The following HAPSTR1 variants were observed in gnomAD, a reference collection of about 807,000 sequenced individuals.
HAPSTR1 encodes HUWE1-associated protein modifying stress responses 1.
At chr16:9,093,116 C>T in the HAPSTR1 span, 9 of 1,037,604 alleles carry the variant, frequency 8.7e-6, no homozygotes, top group East Asian at 1.0e-4. Flanking sequence ...ACCTTGAATA[C>T]CTTGCAACTT....
the HAPSTR1 span, among the ~76,000 whole-genome samples, chr16:9,099,699 C>G: frequency 6.6e-6 from 1 of 152,260 alleles, no homozygotes; most frequent in Admixed American, 6.5e-5. Context: ...GTCCACGCTT[C>G]TAGAATTGGG....
the HAPSTR1 span, chr16:9,109,216 C>G: frequency 6.6e-6 from 1 of 152,078 alleles, no homozygotes; most frequent in African/African-American, 2.4e-5. Context: ...GGGAGAGATT[C>G]AGAGTTGCCC....
chr16:9,104,503 T>G, the HAPSTR1 span: 1 of 152,214 alleles, frequency 6.6e-6, no homozygotes, highest in East Asian at 1.9e-4. Context: ...ATAAAGAAAC[T>G]TTATAGACGT....
the HAPSTR1 span, chr16:9,116,699 G>C: frequency 5.1e-5 from 82 of 1,614,030 alleles, no homozygotes; most frequent in Non-Finnish European, 6.7e-5. Flanking sequence ...GTATAAGCGT[G>C]CGTTCGAGTA....
chr16:9,111,301 C>T, the HAPSTR1 span: 11 of 152,100 alleles, frequency 7.2e-5, no homozygotes, highest in African/African-American at 2.7e-4. Flanking sequence ...TGTCTAAAGA[C>T]CTTTTGGAAA....
chr16:9,116,170 A>G, the HAPSTR1 span, among the ~76,000 whole-genome samples: 2 of 152,186 alleles, frequency 1.3e-5, no homozygotes, highest in Admixed American at 6.5e-5. Context: ...ATGGCAAGTT[A>G]TGTGATCACC....
At chr16:9,112,435 G>A in the HAPSTR1 span, 2 of 152,234 alleles carry the variant, frequency 1.3e-5, no homozygotes, top group African/African-American at 4.8e-5. Context: ...TGCGCTGGTG[G>A]ATCAACGGTG....
the HAPSTR1 span, chr16:9,103,418 T>A: frequency 1.4e-6 from 1 of 740,634 alleles, no homozygotes; most frequent in Admixed American, 3.4e-5. Flanking sequence ...AAGAACTTAA[T>A]ATGGGCGATT....
At chr16:9,094,604 C>G in the HAPSTR1 span, among the ~76,000 whole-genome samples, 1 of 152,026 alleles carries the variant, frequency 6.6e-6, no homozygotes, top group African/African-American at 2.4e-5. Context: ...ATGGTGCAGT[C>G]CTTGTAGCCT....
the HAPSTR1 span, chr16:9,120,913 G>C: frequency 6.6e-6 from 1 of 152,056 alleles, no homozygotes; most frequent in Non-Finnish European, 1.5e-5. Context: ...GTATTCCCTT[G>C]TACAGATAAG....
At chr16:9,097,969 C>T in the HAPSTR1 span, among the ~76,000 whole-genome samples, 4 of 152,126 alleles carry the variant, frequency 2.6e-5, no homozygotes, top group African/African-American at 9.7e-5. Flanking sequence ...AAACAAAAAC[C>T]TGGAGTGCTT....
At chr16:9,116,878 A>G in the HAPSTR1 span, 1 of 1,614,120 alleles carries the variant, frequency 6.2e-7, no homozygotes, top group South Asian at 1.1e-5. Flanking sequence ...GTCATTACAG[A>G]CTCACCAACC....
chr16:9,095,971 C>G, the HAPSTR1 span, among the ~76,000 whole-genome samples: 9 of 151,972 alleles, frequency 5.9e-5, no homozygotes, highest in South Asian at 6.2e-4. Context: ...TTTTTGATTC[C>G]TGGAACTAAA....
chr16:9,103,324 C>A, the HAPSTR1 span: 1 of 1,533,204 alleles, frequency 6.5e-7, no homozygotes, highest in African/African-American at 1.4e-5. Context: ...ACCCATTTTT[C>A]ACGGTTAGGT....
chr16:9,115,970 C>G, the HAPSTR1 span, among the ~76,000 whole-genome samples: 1 of 152,164 alleles, frequency 6.6e-6, no homozygotes, highest in Non-Finnish European at 1.5e-5. Context: ...AACCCTCTCC[C>G]CTCCCCACTT....
the HAPSTR1 span, among the ~76,000 whole-genome samples, chr16:9,094,733 A>T: frequency 6.6e-6 from 1 of 152,162 alleles, no homozygotes; most frequent in Non-Finnish European, 1.5e-5. Context: ...TGGCAGTACC[A>T]TGGTTTATTC....
chr16:9,099,489 T>C, the HAPSTR1 span, among the ~76,000 whole-genome samples: 4 of 152,226 alleles, frequency 2.6e-5, no homozygotes, highest in Non-Finnish European at 4.4e-5. Flanking sequence ...CACTGTGCCA[T>C]GCCCGCCCAG....
At chr16:9,092,131 GGCCGAGGCCGAA>G in the HAPSTR1 span, 1 of 1,553,726 alleles carries the variant, frequency 6.4e-7, no homozygotes, top group Non-Finnish European at 8.7e-7. Context: ...GGCAGTGCCT[GGCCGAGGCCGAA>G]CAGGACGAGC....
the HAPSTR1 span, chr16:9,107,781 T>G: frequency 6.6e-6 from 1 of 152,340 alleles, no homozygotes; most frequent in Non-Finnish European, 1.5e-5. Flanking sequence ...GTAGCCTCCC[T>G]GAACTGTGCA....
Sources: allele counts gnomAD v4.1 joint callset (sites outside exome capture counted in the v4.1 genomes callset), GRCh38; gene constraint gnomAD v4.1.1; transcripts MANE v1.5; gene names NCBI Gene and HGNC (gene_info 2026-07-23, HGNC 2026-07-21).